Variants in MTOR observed in about 807,000 individuals in gnomAD.
MTOR encodes the protein mechanistic target of rapamycin kinase.
A neutral mutation model predicts 319.8 loss-of-function variants in MTOR; 70 were observed. The observed-to-expected ratio is 0.22, with a 90% CI of 0.18 to 0.27. MTOR has a LOEUF of 0.27. Ranked by LOEUF, MTOR falls within the 10% of genes least tolerant of loss-of-function variation. The probability of loss-of-function intolerance (pLI) is 1.00; values close to 1 mark genes in which losing one functional copy is unlikely to be tolerated. For missense variants in MTOR, 1,890 were observed against 3,274.4 expected (o/e 0.58, Z 10.32); for synonymous variants, 1,183 against 1,211.4 (o/e 0.98, Z 0.49).
At chr1:11,240,653 T>C (rs1177201646) in intron 10 of MTOR, 106 bp from the exon 11 acceptor site, 3 of 1,381,356 alleles carry the variant, frequency 2.2e-6, no homozygotes, top group South Asian at 1.4e-5. Context: ...GCCTCTGTTC[T>C]TCAGAGTAGA....
In MTOR at chr1:11,121,307, A is replaced by G. The variant is rs1438065881; in HGVS notation, c.6872T>C (p.Val2291Ala). 6.2e-7 allele frequency: 1 copy of G among 1,614,160 alleles called. No individual in the cohort carries two copies. The highest frequency in any genetic ancestry group is 1.7e-5 in the Admixed American group (1 of 60,020). The change falls in exon 49 of 58, where the codon GTC (valine) becomes GCC (alanine). Residue 2291 changes from valine to alanine, a missense_variant. By Grantham distance (64) the Val-to-Ala change is moderately conservative. This residue lies in a region of MTOR where 249 missense variants were observed against 596.2 expected (regional missense o/e 0.42). Coordinates refer to ENST00000361445, the MANE Select transcript of MTOR (RefSeq NM_004958.4). The surrounding 1 kb of genome is among the most constrained non-coding windows in gnomAD (Gnocchi z 4.9). ...MQKVEVFEHA[V>A]NNTAGDDLAK... Reference sequence around the variant, plus strand: ...CAGGTCGTCCCCAGCTGTATTATTGACGGCATGCTCAAACACCTCCACCTT... The same window carrying G: ...CAGGTCGTCCCCAGCTGTATTATTGGCGGCATGCTCAAACACCTCCACCTT...
intron 16 of MTOR, 49 bp from the exon 17 acceptor site, chr1:11,231,483 A>G (rs762677678): frequency 6.2e-7 from 1 of 1,605,354 alleles, no homozygotes; most frequent in Non-Finnish European, 8.5e-7. Flanking sequence ...GAGAGAAAAG[A>G]AAGCATAGTT....
chr1:11,192,432 T>TACA (rs1645578424), intron 28 of MTOR: 13 of 1,362,452 alleles, frequency 9.5e-6, no homozygotes, highest in Non-Finnish European at 1.4e-5. Context: ...TCAAGGGGAC[T>TACA]ACAACAACAG....
rs771663853 is a variant in MTOR, at chr1:11,210,817, G to T, written c.3651C>A (p.Val1217=). 6.2e-7 allele frequency: 1 copy of T among 1,606,798 alleles called. No individual in the cohort carries two copies. ...QRYDVLICRI[V]KGYTLADEEE... ...ACAGAAAAGAAGTATAGTTCACCTTGACAATTCTGCAGATGAGCACATCAT... is the reference window on the plus strand; with the variant it reads ...ACAGAAAAGAAGTATAGTTCACCTTTACAATTCTGCAGATGAGCACATCAT... Residue 1217 remains valine (V), a synonymous_variant, in exon 24 of 58, where the codon GTC becomes GTA. Transcript: ENST00000361445.
intron 23 of MTOR, among the ~76,000 whole-genome samples, chr1:11,211,541 A>T (rs1205601639): frequency 2.6e-5 from 4 of 152,062 alleles, no homozygotes; most frequent in African/African-American, 9.7e-5. Context: ...CTAAGTTTTA[A>T]ATTTTTTTGT....
chr1:11,114,428 CTG>C lies in MTOR; in HGVS notation c.7188_7189del (p.Tyr2396Ter), dbSNP rs1314286328. On this transcript the variant is annotated stop_gained and frameshift_variant, in exon 53 of 58. Transcript: ENST00000361445. LOFTEE classifies it high-confidence loss of function. ...CTCCATCACTGTGTGGCATGTGATT[CTG>C]TAGTTGCCATCCAGGCCTGTAACCT... is the stretch of plus-strand genomic sequence containing the variant. 6.2e-7 allele frequency: 1 copy of C among 1,614,182 alleles called. No individual in the cohort carries two copies.
chr1:11,119,900 C>T (rs1171224014), intron 49 of MTOR, among the ~76,000 whole-genome samples: 1 of 151,444 alleles, frequency 6.6e-6, no homozygotes, highest in Non-Finnish European at 1.5e-5. Context: ...GGGCCCCCAT[C>T]GGATCCCAAA....
intron 3 of MTOR, among the ~76,000 whole-genome samples, chr1:11,257,380 C>CAAAAAAAAAAAAA (rs1006118528): frequency 5.4e-5 from 2 of 36,760 alleles, no homozygotes; most frequent in African/African-American, 8.8e-5. Flanking sequence ...TACTAAGATA[C>CAAAAAAAAAAAAA]AAAAAAAAAA....
intron 26 of MTOR, among the ~76,000 whole-genome samples, chr1:11,202,225 C>T (rs1003574954): frequency 3.3e-5 from 5 of 151,916 alleles, no homozygotes; most frequent in African/African-American, 9.7e-5. Context: ...GTCAGGAGAT[C>T]GAGACCATCC....
At chr1:11,136,350 GT>G (rs1207550839) in intron 36 of MTOR, among the ~76,000 whole-genome samples, 1 of 152,154 alleles carries the variant, frequency 6.6e-6, no homozygotes, top group Non-Finnish European at 1.5e-5. Context: ...GCACACAGAT[GT>G]TCCAACACTT....
intron 26 of MTOR, among the ~76,000 whole-genome samples, chr1:11,201,965 G>A (rs77478131): frequency 0.059 from 8,997 of 152,030 alleles, 381 homozygotes; most frequent in South Asian, 0.12. Flanking sequence ...ATGCCACCAC[G>A]CTTGGCTAAT....
At chr1:11,134,856 T>G (rs1433093182) in intron 36 of MTOR, among the ~76,000 whole-genome samples, 1 of 152,220 alleles carries the variant, frequency 6.6e-6, no homozygotes, top group Non-Finnish European at 1.5e-5. Context: ...CTAATAAAAC[T>G]TTGGTATTTG....
At chr1:11,167,313 A>G in intron 29 of MTOR, 129 bp downstream of exon 29, 3 of 690,064 alleles carry the variant, frequency 4.3e-6, no homozygotes, top group Non-Finnish European at 7.7e-6. Context: ...GAAGACTGGT[A>G]AGTCAGCATC....
At chr1:11,231,463 G>A (rs770972864) in intron 16 of MTOR, 29 bp from the exon 17 acceptor site, 1 of 1,611,504 alleles carries the variant, frequency 6.2e-7, no homozygotes, top group Non-Finnish European at 8.5e-7. Context: ...ACGATTCAAT[G>A]AGCCAGTACG....
intron 36 of MTOR, among the ~76,000 whole-genome samples, chr1:11,136,803 T>C (rs12145341): frequency 0.058 from 8,795 of 151,870 alleles, 366 homozygotes; most frequent in South Asian, 0.12. Flanking sequence ...CTTTAGTTTT[T>C]TTTTTTTCTA....
At position 11,139,671 on chromosome 1, in the gene MTOR, G is replaced by A. The variant is rs2100479520; in HGVS notation, c.4873-13C>T. 2 of 1,614,170 alleles carry A rather than the reference G, an allele frequency of 1.2e-6. No homozygotes were observed. The highest frequency in any genetic ancestry group is 2.7e-5 in the African/African-American group (2 of 75,052). ...TACGCTGGCAGCCCTGGAACATTCA[G>A]AAGTGAAGATTAGATATGTCTTCTG... is the stretch of plus-strand genomic sequence containing the variant. On this transcript the variant is annotated splice_polypyrimidine_tract_variant and intron_variant, in intron 34 of 57. Transcript: ENST00000361445.
At chr1:11,187,644 G>A (rs1433606996) in intron 28 of MTOR, among the ~76,000 whole-genome samples, 1 of 152,194 alleles carries the variant, frequency 6.6e-6, no homozygotes, top group African/African-American at 2.4e-5. Context: ...CACTTCTGTG[G>A]CATGTGGTTT....
chr1:11,210,450 T>C (rs530220928), intron 24 of MTOR, among the ~76,000 whole-genome samples: 2 of 152,340 alleles, frequency 1.3e-5, no homozygotes, highest in Non-Finnish European at 2.9e-5. Flanking sequence ...CCTGTTTTTA[T>C]ATAGCCCAAG....
chr1:11,233,164 A>AC, intron 15 of MTOR: 1 of 933,490 alleles, frequency 1.1e-6, no homozygotes, highest in South Asian at 1.4e-5. Flanking sequence ...TCTGAAGGTC[A>AC]CAATGATATT....
Sources: allele counts gnomAD v4.1 joint callset (sites outside exome capture counted in the v4.1 genomes callset), GRCh38; gene constraint gnomAD v4.1.1; regional missense constraint gnomAD v4.1.1; non-coding constraint Gnocchi (gnomAD v3.1); transcripts MANE v1.5; gene names NCBI Gene and HGNC (gene_info 2026-07-23, HGNC 2026-07-21).